The following NEK1 variants were observed in gnomAD, a reference collection of about 807,000 sequenced individuals.
NEK1 encodes NIMA related kinase 1.
Under a neutral mutation model 182.1 loss-of-function variants are expected in NEK1, and 137 were observed. The ratio of observed to expected loss-of-function variants is 0.75; its 90% CI spans 0.65 to 0.87. The LOEUF (loss-of-function observed/expected upper bound fraction) is 0.87, where lower values mean the gene tolerates loss of function less well. NEK1 is among the 40% of genes least tolerant of loss of function. The pLI is 0.00. For synonymous variants in NEK1, 513 were observed against 492.2 expected (o/e 1.04, Z -0.56); for missense variants, 1,391 against 1,494.4 (o/e 0.93, Z 1.14).
intron 16 of NEK1, among the ~76,000 whole-genome samples, chr4:169,561,022 G>A (rs1762820539): frequency 6.6e-6 from 1 of 152,112 alleles, no homozygotes; most frequent in African/African-American, 2.4e-5. Flanking sequence ...ATATAGTAAT[G>A]AAACTACAAA....
chr4:169,422,454 G>A (rs1735652203), intron 31 of NEK1, among the ~76,000 whole-genome samples: 1 of 152,022 alleles, frequency 6.6e-6, no homozygotes, highest in Non-Finnish European at 1.5e-5. Flanking sequence ...AGAGTGAGGA[G>A]GTGGGATCCA....
intron 19 of NEK1, among the ~76,000 whole-genome samples, chr4:169,509,722 A>AT (rs949795981): frequency 2.6e-5 from 4 of 152,036 alleles, no homozygotes; most frequent in African/African-American, 9.7e-5. Flanking sequence ...TTATATATGC[A>AT]TTTTTTTCTG....
At chr4:169,559,015 A>G (rs368066777) in intron 16 of NEK1, among the ~76,000 whole-genome samples, 21 of 152,328 alleles carry the variant, frequency 1.4e-4, no homozygotes, top group African/African-American at 5.0e-4. Flanking sequence ...GAATAAATAT[A>G]GAAACTAACA....
chr4:169,487,947 G>A lies in NEK1; in HGVS notation c.2008-8413C>T, dbSNP rs149861336. The stretch of plus-strand genomic sequence containing the variant: ...GAGCTTTTTTTCATGTTTGTTGGCT[G>A]CATGCATGTCTTCTTTTTAAGAAGT... On this transcript the variant is annotated intron_variant, in intron 23 of 35. Transcript: ENST00000507142. Among the ~76,000 whole-genome samples the A allele has an allele frequency of 1.1e-3, 166 of 152,012 alleles. 1 individual carries two copies. The highest frequency in any genetic ancestry group is 2.3e-3 in the African/African-American group (96 of 41,472).
chr4:169,561,568 A>C lies in NEK1; in HGVS notation c.1192-14T>G. Reference sequence around the variant, plus strand: ...TATTCTTTCCAACTTTGGGGAAAAGAAATAAACAAAACACCATTTCAAGTA... The same window carrying C: ...TATTCTTTCCAACTTTGGGGAAAAGCAATAAACAAAACACCATTTCAAGTA... On this transcript the variant is annotated splice_polypyrimidine_tract_variant and intron_variant, in intron 15 of 35. Transcript: ENST00000507142. 1.2e-6 allele frequency: 2 copies of C among 1,611,706 alleles called. No individual in the cohort carries two copies. Among genetic ancestry groups the C allele is most frequent in the Non-Finnish European group, 1.7e-6 (2 of 1,178,474 alleles).
chr4:169,445,352 G>C (rs1028495647), intron 27 of NEK1, among the ~76,000 whole-genome samples: 6 of 152,122 alleles, frequency 3.9e-5, no homozygotes, highest in Admixed American at 3.3e-4. Context: ...TTGAGCCCAG[G>C]AGTTTAAGGT....
At position 169,561,454 on chromosome 4, in the gene NEK1, T is replaced by C; in HGVS notation, c.1266+26A>G. 1.9e-6 allele frequency: 3 copies of C among 1,596,608 alleles called. No individual in the cohort carries two copies. The South Asian group carries it at 3.3e-5, about 18-fold the overall frequency. On this transcript the variant is annotated intron_variant, in intron 16 of 35. Coordinates refer to ENST00000507142, the MANE Select transcript of NEK1 (RefSeq NM_001199397.3). Reference sequence around the variant, plus strand: ...GGAACTGGAGGGGAAAATGGTAGTATAACCATATTGGTATAAAATGCCTAC... The same window carrying C: ...GGAACTGGAGGGGAAAATGGTAGTACAACCATATTGGTATAAAATGCCTAC...
chr4:169,535,389 C>T (rs1020221751), intron 19 of NEK1, among the ~76,000 whole-genome samples: 1 of 151,368 alleles, frequency 6.6e-6, no homozygotes, highest in African/African-American at 2.4e-5. Context: ...ATAGAATTAA[C>T]AGACACAGCA....
chr4:169,600,681 A>T (rs1770332239), intron 4 of NEK1, among the ~76,000 whole-genome samples: 1 of 152,200 alleles, frequency 6.6e-6, no homozygotes, highest in Non-Finnish European at 1.5e-5. Context: ...TACATGTGAG[A>T]AATTATAATG....
rs575234842 is a variant in NEK1 at position 169,573,068 on chromosome 4, G to A, written c.1020+3860C>T. Among the ~76,000 whole-genome samples, 190 of 152,256 alleles carry A rather than the reference G, an allele frequency of 1.2e-3. 1 individual carries two copies. Among genetic ancestry groups the A allele is most frequent in the African/African-American group, 4.4e-3 (183 of 41,544 alleles). On this transcript the variant is annotated intron_variant, in intron 12 of 35. Coordinates refer to ENST00000507142, the MANE Select transcript of NEK1 (RefSeq NM_001199397.3). ...GCTAACATGAATGATTCAGTAGAGA[G>A]AAAAAACTATAATGATGCAGGAGAG... is the stretch of plus-strand genomic sequence containing the variant.
chr4:169,444,340 TAAA>T (rs947113930), intron 27 of NEK1, among the ~76,000 whole-genome samples: 1 of 151,218 alleles, frequency 6.6e-6, no homozygotes. Context: ...GCTGAATGGT[TAAA>T]AAAAAATGAC....
intron 19 of NEK1, among the ~76,000 whole-genome samples, chr4:169,511,246 A>G (rs1211921845): frequency 6.6e-6 from 1 of 152,140 alleles, no homozygotes; most frequent in African/African-American, 2.4e-5. Context: ...CTCTTCAAGA[A>G]GGCCCTTGCA....
chr4:169,394,359 G>T lies in NEK1; in HGVS notation c.*151C>A. 1 of 535,800 alleles carries T rather than the reference G, an allele frequency of 1.9e-6. No individual in the cohort carries two copies. Among genetic ancestry groups the T allele is most frequent in the Non-Finnish European group, 3.3e-6 (1 of 298,806 alleles). The allele number at this position is 535,800 out of a possible 1,614,324, so 33.2% of individuals were successfully genotyped here. A position where few individuals can be genotyped will look rare whatever the true frequency, so the allele number is the denominator to read the frequency against. ...TAGAATCTTCACTGAAAAATGGCAT[G>T]TTTCTCCATCTTTTTCATGCAATAA... On this transcript the variant is annotated 3_prime_UTR_variant, in exon 36 of 36. Transcript: ENST00000507142.
chr4:169,429,822 C>T (rs1370737966), intron 29 of NEK1, among the ~76,000 whole-genome samples: 1 of 152,052 alleles, frequency 6.6e-6, no homozygotes, highest in Non-Finnish European at 1.5e-5. Flanking sequence ...CCCATTTTTC[C>T]CTTGGACTTC....
At chr4:169,418,375 T>A (rs1315300681) in intron 31 of NEK1, among the ~76,000 whole-genome samples, 2 of 152,040 alleles carry the variant, frequency 1.3e-5, no homozygotes, top group African/African-American at 4.8e-5. Context: ...ATTCACAAGG[T>A]CCACCTTCAA....
At chr4:169,594,191 A>G (rs1437429890) in intron 5 of NEK1, among the ~76,000 whole-genome samples, 1 of 152,200 alleles carries the variant, frequency 6.6e-6, no homozygotes, top group Non-Finnish European at 1.5e-5. Flanking sequence ...TTACAGTTGT[A>G]TGTTATTTTG....
Position 169,409,746 on chromosome 4 carries a change from C to T in NEK1, c.3223-2999G>A, listed in dbSNP as rs552996553. Among the ~76,000 whole-genome samples, 9 of 152,028 alleles carry T rather than the reference C, an allele frequency of 5.9e-5. No homozygotes were observed. In the South Asian group the frequency reaches 1.3e-3, roughly 21 times the overall value. ...TCACACCACTGCACTCCAGCCTGGGCGACAGAGCGAGACTTTGTCTCAAAA... is the reference window on the plus strand; with the variant it reads ...TCACACCACTGCACTCCAGCCTGGGTGACAGAGCGAGACTTTGTCTCAAAA... On this transcript the variant is annotated intron_variant, in intron 31 of 35. Transcript: ENST00000507142.
At position 169,479,544 on chromosome 4, in the gene NEK1, A is replaced by G; in HGVS notation, c.2008-10T>C. ...CTCCTTTAGCCACCAACTATAAAAA[A>G]GGATTTTATTAAATACATTAGGGAT... On this transcript the variant is annotated splice_polypyrimidine_tract_variant and intron_variant, in intron 23 of 35. Transcript: ENST00000507142. 6.3e-7 allele frequency: 1 copy of G among 1,585,098 alleles called. No individual in the cohort carries two copies. The highest frequency in any genetic ancestry group is 8.6e-7 in the Non-Finnish European group (1 of 1,166,182).
chr4:169,508,269 T>C lies in NEK1; in HGVS notation c.1812A>G (p.Lys604=). Residue 604 remains lysine, a synonymous_variant, in exon 21 of 36, where the codon AAA becomes AAG. Coordinates refer to ENST00000507142, the MANE Select transcript of NEK1 (RefSeq NM_001199397.3). ...CTACCTTTTCACCACGAAGTTTGGCTTTAATCTGTTGGCGCTCATTGAAAT... is the reference window on the plus strand; with the variant it reads ...CTACCTTTTCACCACGAAGTTTGGCCTTAATCTGTTGGCGCTCATTGAAAT... The part of the protein sequence containing the change: ...LQNFNERQQI[K]AKLRGEKKEA... The C allele has an allele frequency of 6.3e-7, 1 of 1,593,168 alleles. No homozygotes were observed. Among genetic ancestry groups the C allele is most frequent in the Non-Finnish European group, 8.5e-7 (1 of 1,170,996 alleles).
Sources: gnomAD v4.1 joint callset for allele counts (sites outside exome capture counted in the v4.1 genomes callset) on GRCh38, gnomAD v4.1.1 for gene constraint, MANE v1.5 for transcripts, NCBI Gene and HGNC (gene_info 2026-07-23, HGNC 2026-07-21) for gene names.